OLFML2B: variants seen among roughly 807,000 people sequenced by gnomAD.
OLFML2B encodes olfactomedin like 2B.
A neutral mutation model predicts 74.9 loss-of-function variants in OLFML2B; 57 were observed. The ratio of observed to expected loss-of-function variants is 0.76; its 90% CI spans 0.61 to 0.95. OLFML2B has a LOEUF of 0.95. Among genes scored for constraint, OLFML2B ranks in the 40% least tolerant of loss-of-function variants. OLFML2B has a pLI of 0.00. For synonymous variants in OLFML2B, 388 were observed against 405.8 expected (o/e 0.96, Z 0.53); for missense variants, 986 against 970.6 (o/e 1.02, Z -0.21).
At chr1:162,003,889 G>A (rs956726291) in intron 4 of OLFML2B, among the ~76,000 whole-genome samples, 49 of 152,288 alleles carry the variant, frequency 3.2e-4, no homozygotes, top group East Asian at 1.2e-3. Context: ...TGGGGCCTCC[G>A]GCACCACTTC....
chr1:162,006,491 A>AAT lies in OLFML2B; in HGVS notation c.547-19_547-18insAT. 6.4e-7 allele frequency: 1 copy of AAT among 1,555,636 alleles called. No homozygotes were observed. Among genetic ancestry groups the AAT allele is most frequent in the Non-Finnish European group, 8.6e-7 (1 of 1,158,794 alleles). On this transcript the variant is annotated intron_variant, in intron 3 of 7. Transcript: ENST00000294794. Reference sequence around the variant, plus strand: ...GACACTTCCTGAGAAGGAAAAAAAAAAGATGATCCATTAAAGCACCCTGAA... The same window carrying AAT: ...GACACTTCCTGAGAAGGAAAAAAAAAATAGATGATCCATTAAAGCACCCTGAA...
intron 2 of OLFML2B, 66 bp downstream of exon 2, chr1:162,019,853 C>T (rs1177050252): frequency 1.3e-6 from 2 of 1,569,612 alleles, no homozygotes; most frequent in Non-Finnish European, 1.7e-6. Context: ...CAACCATGGC[C>T]TTACCAGACT....
At chr1:161,992,515 G>A (rs919210815) in intron 6 of OLFML2B, among the ~76,000 whole-genome samples, 3 of 152,198 alleles carry the variant, frequency 2.0e-5, no homozygotes, top group African/African-American at 4.8e-5. Flanking sequence ...GGCCTATCTC[G>A]GCTTTTGACA....
At position 161,983,711 on chromosome 1, in the gene OLFML2B, G is replaced by A; in HGVS notation, c.2217C>T (p.Gly739=). The A allele has an allele frequency of 1.9e-6, 3 of 1,612,216 alleles. No individual in the cohort carries two copies. Among genetic ancestry groups the A allele is most frequent in the Non-Finnish European group, 2.5e-6 (3 of 1,178,414 alleles). ...KDRLLYAWDN[G]HQVTYHVIFA... ...AGATGACATGGTAAGTGACCTGGTG[G>A]CCATTGTCCCAGGCATAGAGCAGGC... The change falls in exon 8 of 8, where the codon GGC becomes GGT. Residue 739 remains glycine, a synonymous_variant. Transcript: ENST00000294794.
At position 162,006,432 on chromosome 1, in the gene OLFML2B, T is replaced by A. The variant is rs1233870788; in HGVS notation, c.588A>T (p.Lys196Asn). ...KNLTKENEQI[K>N]EDMEEIRTEM... ...CGGTTCGAATTTCTTCCATGTCCTC[T>A]TTGATTTGTTCATTTTCCTTGGTGA... The change falls in exon 4 of 8, where the codon AAA (lysine) becomes AAT (asparagine). Residue 196 changes from lysine to asparagine, a missense_variant. Lys to Asn is a moderately conservative substitution (Grantham distance 94). Coordinates refer to ENST00000294794, the MANE Select transcript of OLFML2B (RefSeq NM_015441.3). 8 of 1,605,736 alleles carry A rather than the reference T, an allele frequency of 5.0e-6. No individual in the cohort carries two copies. The African/African-American group carries it at 1.1e-4, about 22-fold the overall frequency.
intron 6 of OLFML2B, among the ~76,000 whole-genome samples, chr1:161,994,420 T>G (rs1384002649): frequency 6.6e-6 from 1 of 152,254 alleles, no homozygotes; most frequent in Non-Finnish European, 1.5e-5. Context: ...ATTTTCTAGA[T>G]TCAAATAGGA....
intron 3 of OLFML2B, among the ~76,000 whole-genome samples, chr1:162,017,134 A>G (rs1237032291): frequency 6.6e-6 from 1 of 152,246 alleles, no homozygotes; most frequent in African/African-American, 2.4e-5. Flanking sequence ...AGTCAAGGTA[A>G]AAATGGAAAG....
At chr1:162,013,244 A>G (rs1690443576) in intron 3 of OLFML2B, among the ~76,000 whole-genome samples, 1 of 152,032 alleles carries the variant, frequency 6.6e-6, no homozygotes, top group South Asian at 2.1e-4. Flanking sequence ...CACTTCCTGC[A>G]TGCCCTTCCC....
At chr1:162,013,960 T>C (rs1690464688) in intron 3 of OLFML2B, among the ~76,000 whole-genome samples, 1 of 149,464 alleles carries the variant, frequency 6.7e-6, no homozygotes, top group South Asian at 2.1e-4. Flanking sequence ...TTCTATGTAT[T>C]TAACATTCAA....
At chr1:162,009,635 G>A (rs1690318923) in intron 3 of OLFML2B, among the ~76,000 whole-genome samples, 2 of 152,322 alleles carry the variant, frequency 1.3e-5, no homozygotes, top group South Asian at 4.1e-4. Context: ...TTCCCCTCAC[G>A]GGAATGGCAA....
Position 162,017,368 on chromosome 1 carries a change from GA to G in OLFML2B, c.546+31del, listed in dbSNP as rs1433713652. ...TTGATATGCTTTTGGGCTCAATCAA[GA>G]AAAAGATATAGAAACCAGAATCTTC... is the stretch of plus-strand genomic sequence containing the variant. On this transcript the variant is annotated intron_variant, in intron 3 of 7. Transcript: ENST00000294794. The G allele has an allele frequency of 2.6e-6, 4 of 1,557,556 alleles. No homozygotes were observed. In the African/African-American group the frequency reaches 4.1e-5, roughly 16 times the overall value.
At position 162,020,022 on chromosome 1, in the gene OLFML2B, G is replaced by A. The variant is rs919118727; in HGVS notation, c.335C>T (p.Ser112Leu). Residue 112 changes from serine (S) to leucine (L), a missense_variant, in exon 2 of 8, where the codon TCG becomes TTG. Ser to Leu is a moderately radical substitution (Grantham distance 145, BLOSUM62 -2). Coordinates refer to ENST00000294794, the MANE Select transcript of OLFML2B (RefSeq NM_015441.3). The part of the protein sequence containing the change: ...FYTVETITSG[S>L]SCKCACVAPP... ...TGCTACACAGGCACACTTGCACGAC[G>A]AGCCTGAGGTGATGGTTTCCACGGT... 14 of 1,614,072 alleles carry A rather than the reference G, an allele frequency of 8.7e-6. No homozygotes were observed. Among genetic ancestry groups the A allele is most frequent in the African/African-American group, 2.7e-5 (2 of 74,914 alleles).
Position 161,997,962 on chromosome 1 carries a change from G to GCTT in OLFML2B, c.1334_1336dup (p.Glu445dup). On this transcript the variant is annotated inframe_insertion, in exon 6 of 8. Coordinates refer to ENST00000294794, the MANE Select transcript of OLFML2B (RefSeq NM_015441.3). The stretch of plus-strand genomic sequence containing the variant: ...GGGAGGCACTGGGACTGTGTGCATA[G>GCTT]CTTCCATCAATGCCTCCCTGGGAGA... 1 of 1,614,230 alleles carries GCTT rather than the reference G, an allele frequency of 6.2e-7. No individual in the cohort carries two copies. Among genetic ancestry groups the GCTT allele is most frequent in the Non-Finnish European group, 8.5e-7 (1 of 1,180,048 alleles).
rs1558057891 is a variant in OLFML2B at position 161,997,844 on chromosome 1, A to G, written c.1455T>C (p.Asp485=). The G allele has an allele frequency of 6.2e-7, 1 of 1,613,356 alleles. No homozygotes were observed. Among genetic ancestry groups the G allele is most frequent in the Non-Finnish European group, 8.5e-7 (1 of 1,179,460 alleles). Residue 485 remains aspartate, a synonymous_variant, in exon 6 of 8, where the codon GAT becomes GAC. Coordinates refer to ENST00000294794, the MANE Select transcript of OLFML2B (RefSeq NM_015441.3). The part of the protein sequence containing the change: ...ASPTLSPEEE[D]DIRNVIGRCK... ...ACTTACCTATGACATTCCGGATGTC[A>G]TCTTCTTCTTCGGGGCTCAGCGTGG...
intron 5 of OLFML2B, 27 bp from the exon 6 acceptor site, chr1:161,998,376 T>C: frequency 6.5e-7 from 1 of 1,530,648 alleles, no homozygotes; most frequent in Non-Finnish European, 8.8e-7. Flanking sequence ...AGGTTCACTG[T>C]GGCACGGGAA....
At position 162,006,413 on chromosome 1, in the gene OLFML2B, G is replaced by A. The variant is rs374583591; in HGVS notation, c.607C>T (p.Arg203Ter). The change falls in exon 4 of 8, where the codon CGA becomes TGA. Residue 203 changes from arginine (R) to a stop codon, truncating the protein, a stop_gained. Coordinates refer to ENST00000294794, the MANE Select transcript of OLFML2B (RefSeq NM_015441.3). LOFTEE classifies it high-confidence loss of function. ...EQIKEDMEEI[R>*]TEMNKRGKEN... The stretch of plus-strand genomic sequence containing the variant: ...TTGCCTCGCTTATTCATCTCGGTTC[G>A]AATTTCTTCCATGTCCTCTTTGATT... 313 of 1,611,638 alleles carry A rather than the reference G, an allele frequency of 1.9e-4. No individual in the cohort carries two copies. Among genetic ancestry groups the A allele is most frequent in the Middle Eastern group, 8.3e-4 (5 of 6,044 alleles).
At chr1:162,010,533 C>A (rs1571305594) in intron 3 of OLFML2B, among the ~76,000 whole-genome samples, 1 of 152,196 alleles carries the variant, frequency 6.6e-6, no homozygotes, top group African/African-American at 2.4e-5. Context: ...AGGGCCAGCA[C>A]AACCAGATGT....
At chr1:161,989,066 T>A (rs1451609389) in intron 6 of OLFML2B, among the ~76,000 whole-genome samples, 2 of 152,188 alleles carry the variant, frequency 1.3e-5, no homozygotes, top group African/African-American at 4.8e-5. Context: ...GTAGTTCAGA[T>A]CTCACCAACT....
intron 1 of OLFML2B, among the ~76,000 whole-genome samples, chr1:162,022,260 T>TTTTTTTTTTTTTTTTTTTTTTTTTTTTC (rs1460566719): frequency 2.2e-4 from 28 of 127,888 alleles, no homozygotes; most frequent in African/African-American, 4.1e-4. Flanking sequence ...TTTTTTTTTT[T>TTTTTTTTTTTTTTTTTTTTTTTTTTTTC]TTTTTTTTGA....
Sources: allele counts gnomAD v4.1 joint callset (sites outside exome capture counted in the v4.1 genomes callset), GRCh38; gene constraint gnomAD v4.1.1; transcripts MANE v1.5; gene names NCBI Gene and HGNC (gene_info 2026-07-23, HGNC 2026-07-21).